Variants in ALPK1 observed in about 807,000 individuals in gnomAD.
ALPK1 encodes the protein alpha kinase 1, also known as alpha-protein kinase 1.
Under a neutral mutation model 120.6 loss-of-function variants are expected in ALPK1, and 110 were observed. That is an observed-to-expected ratio of 0.91 (90% CI 0.78 to 1.07). The LOEUF is 1.07. ALPK1 is among the 50% of genes least tolerant of loss of function. ALPK1 has a pLI of 0.00. For synonymous variants in ALPK1, 582 were observed against 560.3 expected, an observed-to-expected ratio of 1.04 and a Z score of -0.55; for missense variants, 1,498 against 1,483.9, an observed-to-expected ratio of 1.01 and a Z score of -0.16.
chr4:112,417,419 A>G (rs1185173792), intron 5 of ALPK1, among the ~76,000 whole-genome samples: 1 of 152,248 alleles, frequency 6.6e-6, no homozygotes, highest in Non-Finnish European at 1.5e-5. Context: ...CCAACATTGT[A>G]TTAAATTAAT....
rs553423580 is a variant in ALPK1 at position 112,389,650 on chromosome 4, G to A, written c.276+7098G>A. On this transcript the variant is annotated intron_variant, in intron 4 of 15. Transcript: ENST00000650871. Reference sequence around the variant, plus strand: ...TGTGGTGACCGGTTGGACAGACGGGGTGGGCACTAAGTATAAGATTTCAGT... The same window carrying A: ...TGTGGTGACCGGTTGGACAGACGGGATGGGCACTAAGTATAAGATTTCAGT... Among the ~76,000 whole-genome samples the A allele has an allele frequency of 5.3e-5, 8 of 152,348 alleles. 1 individual carries two copies. The highest frequency in any genetic ancestry group is 3.4e-3 in the Middle Eastern group (1 of 294).
intron 2 of ALPK1, among the ~76,000 whole-genome samples, chr4:112,335,923 TA>T (rs1426066459): frequency 6.6e-6 from 1 of 152,178 alleles, no homozygotes; most frequent in African/African-American, 2.4e-5. Context: ...GGGAAGTGCT[TA>T]TTTTTTATAG....
intron 2 of ALPK1, chr4:112,356,026 A>G: frequency 1.4e-6 from 1 of 703,288 alleles, no homozygotes; most frequent in South Asian, 1.5e-5. Flanking sequence ...TGCTCGCATC[A>G]CTTACCAAGA....
rs1007525752 is a variant in ALPK1 at position 112,411,672 on chromosome 4, A to G, written c.277-155A>G. ...TTGCACAATTGAACTGGACTTTTCT[A>G]TTTTCTTTCTTTCGGTTCAGCTGCC... is the stretch of plus-strand genomic sequence containing the variant. On this transcript the variant is annotated intron_variant, in intron 4 of 15. Coordinates refer to ENST00000650871, the MANE Select transcript of ALPK1 (RefSeq NM_025144.4). The G allele has an allele frequency of 3.1e-5, 21 of 669,316 alleles. No individual in the cohort carries two copies. The African/African-American group carries it at 3.8e-4, about 12-fold the overall frequency. 41.5% of individuals were successfully genotyped at this position (669,316 alleles called of 1,614,324 possible).
chr4:112,337,533 A>G (rs1729672261), intron 2 of ALPK1, among the ~76,000 whole-genome samples: 1 of 152,094 alleles, frequency 6.6e-6, no homozygotes, highest in Admixed American at 6.5e-5. Context: ...CATCTCTACA[A>G]AAAAAATTTT....
chr4:112,382,273 G>A, intron 3 of ALPK1, 125 bp from the exon 4 acceptor site: 1 of 1,157,966 alleles, frequency 8.6e-7, no homozygotes, highest in Non-Finnish European at 1.2e-6. Context: ...GCAAGAGGCA[G>A]GGAAAAGGTT....
intron 4 of ALPK1, among the ~76,000 whole-genome samples, chr4:112,393,835 A>G (rs1474731811): frequency 2.6e-5 from 4 of 152,162 alleles, no homozygotes; most frequent in Non-Finnish European, 5.9e-5. Context: ...TTCTCTTCCC[A>G]TTTGGTGGCC....
chr4:112,420,998 A>T (rs1294218840), intron 5 of ALPK1, among the ~76,000 whole-genome samples: 4 of 152,014 alleles, frequency 2.6e-5, no homozygotes, highest in Non-Finnish European at 4.4e-5. Context: ...ATGCCTGGCT[A>T]CTTTTTGTAT....
chr4:112,423,535 T>C (rs561836098), intron 5 of ALPK1, among the ~76,000 whole-genome samples: 81 of 152,266 alleles, frequency 5.3e-4, no homozygotes, highest in African/African-American at 1.9e-3. Context: ...ATCTCCTCAC[T>C]CCCCACCCCC....
intron 2 of ALPK1, among the ~76,000 whole-genome samples, chr4:112,332,716 A>T (rs114038813): frequency 0.01 from 1,565 of 152,296 alleles, 18 homozygotes; most frequent in African/African-American, 0.035. Context: ...CCCAGAATGA[A>T]CACACTGAGA....
chr4:112,382,313 C>A, intron 3 of ALPK1, 85 bp from the exon 4 acceptor site: 4 of 894,650 alleles, frequency 4.5e-6, no homozygotes, highest in South Asian at 2.2e-5. Context: ...TTTTTTTTGC[C>A]ACTGAGGTGC....
chr4:112,416,853 G>A (rs889717288), intron 5 of ALPK1, among the ~76,000 whole-genome samples: 1 of 143,966 alleles, frequency 6.9e-6, no homozygotes, highest in Non-Finnish European at 1.5e-5. Flanking sequence ...TCCAGCCTGA[G>A]TGACAGAGCA....
intron 1 of ALPK1, among the ~76,000 whole-genome samples, chr4:112,315,051 T>G (rs1308790642): frequency 1.3e-5 from 2 of 151,872 alleles, no homozygotes; most frequent in Non-Finnish European, 1.5e-5. Flanking sequence ...TGGCTAATTT[T>G]GTATTTTTAG....
chr4:112,375,518 A>T (rs1294749037), intron 2 of ALPK1, among the ~76,000 whole-genome samples: 4 of 151,784 alleles, frequency 2.6e-5, no homozygotes, highest in Non-Finnish European at 5.9e-5. Context: ...TCTTGAACTA[A>T]CCTCTTCTAG....
chr4:112,328,298 G>T (rs1238023579), intron 2 of ALPK1, among the ~76,000 whole-genome samples: 3 of 152,220 alleles, frequency 2.0e-5, no homozygotes, highest in African/African-American at 7.2e-5. Flanking sequence ...TTTTGGCTCT[G>T]TTCGCACTGG....
intron 2 of ALPK1, chr4:112,357,719 C>G: frequency 6.6e-7 from 1 of 1,516,220 alleles, no homozygotes. Flanking sequence ...AGACGGTTTT[C>G]CAAGGAGTGC....
intron 2 of ALPK1, among the ~76,000 whole-genome samples, chr4:112,338,872 C>T (rs967489436): frequency 6.6e-6 from 1 of 152,174 alleles, no homozygotes; most frequent in Non-Finnish European, 1.5e-5. Flanking sequence ...AACTGGTCAC[C>T]TACCTCATGG....
At chr4:112,410,969 G>A (rs1733425684) in intron 4 of ALPK1, 1 of 154,822 alleles carries the variant, frequency 6.5e-6, no homozygotes, top group Non-Finnish European at 1.5e-5. Context: ...AGATGATGAT[G>A]ATTGAAAGAA....
At chr4:112,405,541 A>G (rs1276563025) in intron 4 of ALPK1, among the ~76,000 whole-genome samples, 2 of 152,120 alleles carry the variant, frequency 1.3e-5, no homozygotes, top group Non-Finnish European at 2.9e-5. Context: ...TGGACTCAAC[A>G]GTGACTTCAG....
Sources: gnomAD v4.1 joint callset for allele counts (sites outside exome capture counted in the v4.1 genomes callset) on GRCh38, gnomAD v4.1.1 for gene constraint, MANE v1.5 for transcripts, NCBI Gene and HGNC (gene_info 2026-07-23, HGNC 2026-07-21) for gene names.